Variants in DLG2 observed in about 807,000 individuals in gnomAD.
DLG2 encodes the protein disks large homolog 2.
In DLG2, 45 loss-of-function variants were observed where a neutral mutation model predicts 132.5. The ratio of observed to expected loss-of-function variants is 0.34; its 90% CI spans 0.27 to 0.44. DLG2 has a LOEUF of 0.44. DLG2 is among the 20% of genes least tolerant of loss of function. DLG2 has a pLI of 1.00. For missense variants in DLG2, 1,045 were observed against 1,196.9 expected (o/e 0.87, Z 1.87); for synonymous variants, 424 against 419.6 (o/e 1.01, Z -0.13).
chr11:84,913,613 T>C (rs1218483910), intron 6 of DLG2, among the ~76,000 whole-genome samples: 1 of 152,138 alleles, frequency 6.6e-6, no homozygotes, highest in Non-Finnish European at 1.5e-5. Flanking sequence ...CAAGAACACA[T>C]GACAAATAAT....
intron 5 of DLG2, among the ~76,000 whole-genome samples, chr11:85,146,080 T>C (rs2076819928): frequency 6.6e-6 from 1 of 152,148 alleles, no homozygotes; most frequent in African/African-American, 2.4e-5. Flanking sequence ...AGTAATGCTG[T>C]AATTCTTGCA....
chr11:85,484,303 T>C (rs979647501), intron 3 of DLG2, among the ~76,000 whole-genome samples: 2 of 136,158 alleles, frequency 1.5e-5, no homozygotes, highest in Non-Finnish European at 3.2e-5. Flanking sequence ...AAAGACTTCA[T>C]GTCTAAAACA....
At chr11:85,552,102 A>G (rs1000575824) in intron 3 of DLG2, among the ~76,000 whole-genome samples, 1 of 149,448 alleles carries the variant, frequency 6.7e-6, no homozygotes, top group Admixed American at 6.7e-5. Context: ...AAAGAAAAAA[A>G]AAAAAAAAAA....
At chr11:84,840,694 A>T (rs995918995) in intron 6 of DLG2, among the ~76,000 whole-genome samples, 21 of 152,126 alleles carry the variant, frequency 1.4e-4, no homozygotes, top group Non-Finnish European at 2.9e-5. Context: ...CTTTGTAGGG[A>T]CATGGATGAA....
chr11:85,459,314 G>T lies in DLG2; in HGVS notation c.40+139343C>A, dbSNP rs568272129. Among the ~76,000 whole-genome samples, 8 of 152,294 alleles carry T rather than the reference G, an allele frequency of 5.3e-5. No homozygotes were observed. In the East Asian group the frequency reaches 1.2e-3, roughly 22 times the overall value. ...GACAGTTGTTCTACTGGCTCTGCTT[G>T]TTGAGGAGTGGGGGTTCGAGTGCTC... On this transcript the variant is annotated intron_variant, in intron 3 of 27. Transcript: ENST00000376104.
At chr11:84,488,996 T>C (rs1473353810) in intron 7 of DLG2, among the ~76,000 whole-genome samples, 1 of 152,186 alleles carries the variant, frequency 6.6e-6, no homozygotes, top group Non-Finnish European at 1.5e-5. Context: ...GCTCAAGTGT[T>C]CATAATAGTA....
At chr11:83,965,545 G>A in intron 12 of DLG2, 77 bp from the exon 13 acceptor site, 4 of 1,196,180 alleles carry the variant, frequency 3.3e-6, no homozygotes, top group Non-Finnish European at 4.7e-6. Flanking sequence ...GAAGATACCT[G>A]GAATTATAAA....
intron 18 of DLG2, among the ~76,000 whole-genome samples, chr11:83,753,663 T>C (rs2093438812): frequency 6.9e-6 from 1 of 144,308 alleles, no homozygotes; most frequent in Non-Finnish European, 1.5e-5. Context: ...AATATATATA[T>C]ATTTTAAATT....
chr11:84,323,494 A>G (rs1356099316), intron 7 of DLG2, among the ~76,000 whole-genome samples: 7 of 152,184 alleles, frequency 4.6e-5, no homozygotes, highest in Non-Finnish European at 7.4e-5. Flanking sequence ...ATAATGCTCA[A>G]TGAACATGAG....
intron 3 of DLG2, among the ~76,000 whole-genome samples, chr11:85,597,764 C>A (rs1457598861): frequency 6.6e-6 from 1 of 151,282 alleles, no homozygotes; most frequent in Non-Finnish European, 1.5e-5. Flanking sequence ...CAATAATAAC[C>A]AGCATGAAAA....
chr11:84,859,393 T>C lies in DLG2; in HGVS notation c.357+252268A>G, dbSNP rs1181427895. Among the ~76,000 whole-genome samples, 14 of 145,818 alleles carry C rather than the reference T, an allele frequency of 9.6e-5. No individual in the cohort carries two copies. In the Admixed American group the frequency reaches 9.7e-4, roughly 10 times the overall value. ...ATATACACATATATATGCATACATA[T>C]ATATGTATATATACATATATATGTA... On this transcript the variant is annotated intron_variant, in intron 6 of 27. Transcript: ENST00000376104.
intron 9 of DLG2, among the ~76,000 whole-genome samples, chr11:84,129,862 G>C (rs995814569): frequency 2.0e-5 from 3 of 151,784 alleles, no homozygotes; most frequent in Non-Finnish European, 2.9e-5. Flanking sequence ...CTCAATAAAG[G>C]ACTAAATTTC....
chr11:84,766,622 C>T (rs1249013447), intron 6 of DLG2, among the ~76,000 whole-genome samples: 1 of 152,034 alleles, frequency 6.6e-6, no homozygotes, highest in African/African-American at 2.4e-5. Context: ...CTGGATCAGA[C>T]CTGTCTCACA....
intron 6 of DLG2, among the ~76,000 whole-genome samples, chr11:85,071,460 T>C (rs1593625784): frequency 3.3e-5 from 5 of 151,964 alleles, no homozygotes; most frequent in Middle Eastern, 3.4e-3. Context: ...TTATAGATAA[T>C]AACATAAGTG....
intron 19 of DLG2, among the ~76,000 whole-genome samples, chr11:83,603,707 G>A (rs1424303475): frequency 1.3e-5 from 2 of 152,088 alleles, no homozygotes; most frequent in Non-Finnish European, 2.9e-5. Flanking sequence ...CCTTATTGCA[G>A]TTTAACTTGT....
At chr11:85,205,978 T>A (rs936094250) in intron 4 of DLG2, among the ~76,000 whole-genome samples, 63 of 152,286 alleles carry the variant, frequency 4.1e-4, no homozygotes, top group African/African-American at 1.5e-3. Context: ...ACCCCCACCC[T>A]CAAATCTCAT....
At chr11:83,555,153 G>T (rs1435337724) in intron 19 of DLG2, among the ~76,000 whole-genome samples, 1 of 152,234 alleles carries the variant, frequency 6.6e-6, no homozygotes, top group African/African-American at 2.4e-5. Flanking sequence ...AGAGGGAGCT[G>T]CACAGGCAGA....
At chr11:84,071,845 T>C (rs1035477535) in intron 10 of DLG2, among the ~76,000 whole-genome samples, 1 of 152,176 alleles carries the variant, frequency 6.6e-6, no homozygotes, top group Admixed American at 6.5e-5. Context: ...ATATAACAAA[T>C]AGAGGGAGAA....
intron 11 of DLG2, among the ~76,000 whole-genome samples, chr11:84,046,742 C>A (rs990877581): frequency 6.6e-6 from 1 of 151,570 alleles, no homozygotes. Context: ...GATCTCATAA[C>A]TAGATAACCC....
Sources: gnomAD v4.1 joint callset for allele counts (sites outside exome capture counted in the v4.1 genomes callset) on GRCh38, gnomAD v4.1.1 for gene constraint, MANE v1.5 for transcripts, NCBI Gene and HGNC (gene_info 2026-07-23, HGNC 2026-07-21) for gene names.